CIMIP6: variants seen among roughly 807,000 people sequenced by gnomAD.
CIMIP6 encodes the protein uncharacterized protein C2orf73.
chr2:54,349,420 T>C, the CIMIP6 span, among the ~76,000 whole-genome samples: 2 of 152,198 alleles, frequency 1.3e-5, no homozygotes, highest in Non-Finnish European at 2.9e-5. Context: ...AAGCAGCAAA[T>C]TGTATGTTTG....
the CIMIP6 span, among the ~76,000 whole-genome samples, chr2:54,370,871 G>A: frequency 0.21 from 31,598 of 152,098 alleles, 3,547 homozygotes; most frequent in East Asian, 0.46. Context: ...ACCCAGGGTC[G>A]CCTGCCAAGT....
At chr2:54,331,743 C>A in the CIMIP6 span, among the ~76,000 whole-genome samples, 1 of 151,528 alleles carries the variant, frequency 6.6e-6, no homozygotes, top group Non-Finnish European at 1.5e-5. Context: ...ACCAAGGCAT[C>A]CAGGTGATTC....
the CIMIP6 span, among the ~76,000 whole-genome samples, chr2:54,343,075 CA>C: frequency 6.6e-6 from 1 of 152,112 alleles, no homozygotes; most frequent in Admixed American, 6.6e-5. Flanking sequence ...CCCCTTAGAA[CA>C]AAGTTTATCA....
chr2:54,370,045 G>A, the CIMIP6 span, among the ~76,000 whole-genome samples: 76 of 152,214 alleles, frequency 5.0e-4, no homozygotes, highest in South Asian at 0.015. Context: ...ATCACCTGAG[G>A]TCAGTTGAAG....
the CIMIP6 span, among the ~76,000 whole-genome samples, chr2:54,340,665 C>T: frequency 6.6e-6 from 1 of 152,316 alleles, no homozygotes; most frequent in Non-Finnish European, 1.5e-5. Context: ...TCACCAGTCA[C>T]ATTTTAGGAA....
chr2:54,381,815 T>C, the CIMIP6 span: 1 of 1,514,122 alleles, frequency 6.6e-7, no homozygotes, highest in Non-Finnish European at 8.8e-7. Flanking sequence ...TTCCCATAAT[T>C]TTTCAGTGGG....
chr2:54,381,520 G>A, the CIMIP6 span, among the ~76,000 whole-genome samples: 1 of 152,338 alleles, frequency 6.6e-6, no homozygotes, highest in East Asian at 1.9e-4. Context: ...AACTGAGACT[G>A]AGAGATGAAA....
the CIMIP6 span, among the ~76,000 whole-genome samples, chr2:54,345,720 C>T: frequency 1.3e-5 from 2 of 152,144 alleles, no homozygotes; most frequent in Admixed American, 6.6e-5. Context: ...CTCTACACAA[C>T]CTCTAAAATA....
chr2:54,337,974 AT>A, the CIMIP6 span, among the ~76,000 whole-genome samples: 1 of 152,160 alleles, frequency 6.6e-6, no homozygotes, highest in Non-Finnish European at 1.5e-5. Context: ...ATACAAAAAA[AT>A]AAAAATAAAA....
At chr2:54,350,107 T>C in the CIMIP6 span, among the ~76,000 whole-genome samples, 2 of 152,178 alleles carry the variant, frequency 1.3e-5, no homozygotes, top group Non-Finnish European at 2.9e-5. Flanking sequence ...CCACCTGCCT[T>C]GGCCTCCCAA....
chr2:54,360,099 C>T, the CIMIP6 span: 1 of 1,384,546 alleles, frequency 7.2e-7, no homozygotes, highest in South Asian at 1.6e-5. Context: ...GAAGTGCCTG[C>T]ATCACTGACT....
the CIMIP6 span, among the ~76,000 whole-genome samples, chr2:54,347,126 A>G: frequency 6.6e-6 from 1 of 152,250 alleles, no homozygotes; most frequent in Non-Finnish European, 1.5e-5. Flanking sequence ...ATAAGAAAAG[A>G]AAACAGTTGT....
the CIMIP6 span, among the ~76,000 whole-genome samples, chr2:54,350,704 A>G: frequency 6.6e-6 from 1 of 152,218 alleles, no homozygotes; most frequent in Admixed American, 6.5e-5. Context: ...CCACCAATTT[A>G]ACAGACTACC....
chr2:54,353,226 G>T, the CIMIP6 span, among the ~76,000 whole-genome samples: 1 of 152,138 alleles, frequency 6.6e-6, no homozygotes, highest in Non-Finnish European at 1.5e-5. Flanking sequence ...CAGCTTATTT[G>T]CCCCAACTGT....
the CIMIP6 span, among the ~76,000 whole-genome samples, chr2:54,376,642 A>G: frequency 6.6e-6 from 1 of 152,090 alleles, no homozygotes; most frequent in Non-Finnish European, 1.5e-5. Context: ...CGCACTATAC[A>G]CTCATTGGTG....
At chr2:54,377,874 G>C in the CIMIP6 span, among the ~76,000 whole-genome samples, 1 of 152,150 alleles carries the variant, frequency 6.6e-6, no homozygotes, top group African/African-American at 2.4e-5. Flanking sequence ...TTAGCTGTGG[G>C]ATTGTTGTAA....
At chr2:54,383,703 A>AT in the CIMIP6 span, 19 of 65,334 alleles carry the variant, frequency 2.9e-4, no homozygotes, top group Non-Finnish European at 2.6e-4. Context: ...TAGTTGCTTT[A>AT]AAAAAAAAAA....
chr2:54,360,852 C>T, the CIMIP6 span: 4 of 219,520 alleles, frequency 1.8e-5, no homozygotes, highest in Non-Finnish European at 3.6e-5. Context: ...AGAAGAGAGG[C>T]CCTGTTAGAC....
At chr2:54,334,705 C>T in the CIMIP6 span, 3 of 757,788 alleles carry the variant, frequency 4.0e-6, no homozygotes, top group Middle Eastern at 3.9e-4. Flanking sequence ...ATTAATACAG[C>T]CTAAATTGTC....
Sources: allele counts gnomAD v4.1 joint callset (sites outside exome capture counted in the v4.1 genomes callset), GRCh38; gene constraint gnomAD v4.1.1; transcripts MANE v1.5; gene names NCBI Gene and HGNC (gene_info 2026-07-23, HGNC 2026-07-21).